The following LRCH3 variants were observed in gnomAD, a reference collection of about 807,000 sequenced individuals.
LRCH3 encodes leucine rich repeats and calponin homology domain containing 3, also known as DISP complex protein LRCH3.
A neutral mutation model predicts 104.5 loss-of-function variants in LRCH3; 68 were observed. That is an observed-to-expected ratio of 0.65 (90% CI 0.54 to 0.80). The LOEUF is 0.80. Ranked by LOEUF, LRCH3 falls within the 30% of genes least tolerant of loss-of-function variation. The probability of loss-of-function intolerance (pLI) is 0.00; values close to 1 mark genes in which losing one functional copy is unlikely to be tolerated. For synonymous variants in LRCH3, 344 were observed against 361.3 expected (o/e 0.95, Z 0.54); for missense variants, 951 against 953.9 (o/e 1.00, Z 0.04).
chr3:197,849,589 C>T (rs1372541982), intron 12 of LRCH3, among the ~76,000 whole-genome samples: 1 of 152,122 alleles, frequency 6.6e-6, no homozygotes, highest in East Asian at 1.9e-4. Context: ...TTACTACATA[C>T]AAACTTTTTT....
intron 1 of LRCH3, among the ~76,000 whole-genome samples, chr3:197,797,690 GTC>G (rs1160602642): frequency 1.5e-4 from 22 of 151,642 alleles, no homozygotes; most frequent in African/African-American, 4.6e-4. Context: ...GTGAAACCCC[GTC>G]TCTACTAAAA....
intron 13 of LRCH3, among the ~76,000 whole-genome samples, chr3:197,852,949 C>T (rs916515974): frequency 5.9e-5 from 9 of 151,928 alleles, no homozygotes; most frequent in African/African-American, 1.5e-4. Flanking sequence ...AATGGAGTGG[C>T]TACTAAACAA....
chr3:197,830,250 A>T (rs1032454110), intron 6 of LRCH3, among the ~76,000 whole-genome samples: 2 of 152,210 alleles, frequency 1.3e-5, no homozygotes, highest in Non-Finnish European at 2.9e-5. Flanking sequence ...ACCATCTGGA[A>T]CAATCTCTTT....
intron 6 of LRCH3, among the ~76,000 whole-genome samples, chr3:197,830,291 A>C (rs201007604): frequency 6.6e-6 from 1 of 152,224 alleles, no homozygotes; most frequent in East Asian, 1.9e-4. Flanking sequence ...TATGTTGCCC[A>C]GCCTGGTCTC....
intron 17 of LRCH3, among the ~76,000 whole-genome samples, chr3:197,867,129 T>C (rs1741579839): frequency 6.6e-6 from 1 of 152,060 alleles, no homozygotes. Context: ...ATACAAAAAT[T>C]AGCCGGGTGT....
intron 1 of LRCH3, among the ~76,000 whole-genome samples, chr3:197,797,867 AAAAAAAC>A (rs1731413751): frequency 7.2e-5 from 1 of 13,944 alleles, no homozygotes; most frequent in African/African-American, 9.1e-5. Context: ...CTCAAAAAAA[AAAAAAAC>A]AAAAAAAACA....
At chr3:197,881,808 G>T in intron 20 of LRCH3, 1 of 985,420 alleles carries the variant, frequency 1.0e-6, no homozygotes, top group Non-Finnish European at 1.2e-6. Context: ...ATAATATCCG[G>T]TTTAGAATTC....
Position 197,839,395 on chromosome 3 carries a change from C to A in LRCH3, c.1326C>A (p.Asn442Lys). Residue 442 changes from asparagine to lysine, a missense_variant and splice_region_variant, in exon 10 of 21, where the codon AAC becomes AAA. Coordinates refer to ENST00000425562, the MANE Select transcript of LRCH3 (RefSeq NM_001365715.1). The part of the protein sequence containing the change: ...TEDMRRYLHQ[N>K]RVPAEPSSLL... ...ATATGAGAAGATATTTACATCAAAA[C>A]AGGTTTGAAAAACCAATTCTACTTA... The A allele has an allele frequency of 1.3e-6, 2 of 1,568,520 alleles. No individual in the cohort carries two copies. The highest frequency in any genetic ancestry group is 2.3e-5 in the East Asian group (1 of 44,306).
chr3:197,794,763 G>A (rs569655488), intron 1 of LRCH3, among the ~76,000 whole-genome samples: 7 of 152,306 alleles, frequency 4.6e-5, no homozygotes, highest in African/African-American at 1.7e-4. Flanking sequence ...CCAGCACTTT[G>A]GGAGGCCAGG....
intron 1 of LRCH3, among the ~76,000 whole-genome samples, chr3:197,803,927 G>A (rs987541245): frequency 6.6e-6 from 1 of 152,104 alleles, no homozygotes; most frequent in Non-Finnish European, 1.5e-5. Flanking sequence ...ATGATATGGG[G>A]CGACCAAATT....
rs1355906810 is a variant in LRCH3, at chr3:197,839,397, G to A, written c.1328G>A (p.Arg443Lys). ...ATGAGAAGATATTTACATCAAAACA[G>A]GTTTGAAAAACCAATTCTACTTAAT... ...EDMRRYLHQN[R>K]VPAEPSSLLS... Residue 443 changes from arginine (R) to lysine (K), a missense_variant and splice_region_variant, in exon 10 of 21, where the codon AGG becomes AAG. Transcript: ENST00000425562. 1.1e-5 allele frequency: 17 copies of A among 1,564,482 alleles called. No homozygotes were observed. Among genetic ancestry groups the A allele is most frequent in the Non-Finnish European group, 1.4e-5 (16 of 1,155,906 alleles).
intron 20 of LRCH3, chr3:197,881,497 C>G: frequency 1.0e-6 from 1 of 985,440 alleles, no homozygotes; most frequent in Non-Finnish European, 1.2e-6. Flanking sequence ...TCACTCCCAG[C>G]ATTCTGTTTA....
chr3:197,836,108 A>C (rs893837545), intron 9 of LRCH3, among the ~76,000 whole-genome samples: 5 of 152,234 alleles, frequency 3.3e-5, no homozygotes, highest in Non-Finnish European at 2.9e-5. Context: ...GAAAGTACAA[A>C]GAAAAATACA....
intron 19 of LRCH3, among the ~76,000 whole-genome samples, chr3:197,874,819 T>G (rs1207396902): frequency 6.6e-6 from 1 of 152,216 alleles, no homozygotes; most frequent in African/African-American, 2.4e-5. Context: ...AGGCCAGCAC[T>G]TCTTCTTGTA....
At chr3:197,851,579 G>A (rs137949124) in intron 12 of LRCH3, among the ~76,000 whole-genome samples, 1 of 152,152 alleles carries the variant, frequency 6.6e-6, no homozygotes, top group Non-Finnish European at 1.5e-5. Flanking sequence ...GCCACTTGCC[G>A]TGCGCTTGAC....
In LRCH3 at chr3:197,886,197, A is replaced by C. The variant is rs934529664; in HGVS notation, c.*2531A>C. The C allele has an allele frequency of 1.3e-5, 2 of 151,610 alleles. No homozygotes were observed. The highest frequency in any genetic ancestry group is 2.4e-5 in the African/African-American group (1 of 41,172). The allele number at this position is 151,610 out of a possible 1,614,324, so 9.4% of individuals were successfully genotyped here. ...CCCAAAAATTAAAAAAAAAAAAAAA[A>C]AACCAGGTGTGGTGGCACCTGCCTG... On this transcript the variant is annotated 3_prime_UTR_variant, in exon 21 of 21. Coordinates refer to ENST00000425562, the MANE Select transcript of LRCH3 (RefSeq NM_001365715.1).
chr3:197,834,931 C>A (rs529438996), intron 8 of LRCH3, among the ~76,000 whole-genome samples: 3 of 152,030 alleles, frequency 2.0e-5, no homozygotes, highest in African/African-American at 7.2e-5. Context: ...ATCGCTTGAG[C>A]CCAGGAGTTG....
At chr3:197,833,681 A>G (rs968737743) in intron 8 of LRCH3, among the ~76,000 whole-genome samples, 1 of 152,200 alleles carries the variant, frequency 6.6e-6, no homozygotes, top group Non-Finnish European at 1.5e-5. Flanking sequence ...TGATATTTAG[A>G]CATATTAGAC....
chr3:197,845,020 G>C (rs577531836), intron 10 of LRCH3, among the ~76,000 whole-genome samples: 1 of 152,314 alleles, frequency 6.6e-6, no homozygotes, highest in South Asian at 2.1e-4. Context: ...GAAAGTTTTA[G>C]TGAAACTGAA....
Sources: allele counts gnomAD v4.1 joint callset (sites outside exome capture counted in the v4.1 genomes callset), GRCh38; gene constraint gnomAD v4.1.1; transcripts MANE v1.5; gene names NCBI Gene and HGNC (gene_info 2026-07-23, HGNC 2026-07-21).